THADA: variants seen among roughly 807,000 people sequenced by gnomAD.
The protein encoded by THADA is THADA armadillo repeat containing.
In THADA, 213 loss-of-function variants were observed where a neutral mutation model predicts 219.8. The observed-to-expected ratio is 0.97, with a 90% confidence interval of 0.87 to 1.09. The LOEUF is 1.09. THADA is among the 50% of genes least tolerant of loss of function. The pLI is 0.00. For missense variants in THADA, 2,956 were observed against 2,311.3 expected (o/e 1.28, Z -5.72); for synonymous variants, 1,018 against 828.9 (o/e 1.23, Z -3.92).
chr2:43,364,540 C>T (rs1046203140), intron 29 of THADA, among the ~76,000 whole-genome samples: 4 of 152,174 alleles, frequency 2.6e-5, no homozygotes, highest in Non-Finnish European at 5.9e-5. Flanking sequence ...CCAATGCCCC[C>T]GTGGAGAAAA....
At chr2:43,280,003 G>A in intron 35 of THADA, 107 bp from the exon 36 acceptor site, 1 of 1,117,220 alleles carries the variant, frequency 9.0e-7, no homozygotes, top group African/African-American at 1.6e-5. Flanking sequence ...ATGAGTTACA[G>A]CTATCTCTTT....
chr2:43,308,219 A>G (rs1677081465), intron 31 of THADA, among the ~76,000 whole-genome samples: 1 of 152,194 alleles, frequency 6.6e-6, no homozygotes. Flanking sequence ...GTAGTACGTT[A>G]TACGCTGCAA....
At chr2:43,407,767 T>C (rs1675751072) in intron 28 of THADA, among the ~76,000 whole-genome samples, 1 of 152,148 alleles carries the variant, frequency 6.6e-6, no homozygotes, top group African/African-American at 2.4e-5. Context: ...AAATATTTTC[T>C]CTCATTTTTA....
At chr2:43,426,067 T>C (rs953708214) in intron 28 of THADA, among the ~76,000 whole-genome samples, 2 of 152,206 alleles carry the variant, frequency 1.3e-5, no homozygotes, top group East Asian at 3.8e-4. Context: ...GATTGCAAAC[T>C]TCTTACTTTG....
intron 28 of THADA, among the ~76,000 whole-genome samples, chr2:43,403,238 A>T (rs567454444): frequency 2.6e-4 from 40 of 152,332 alleles, no homozygotes; most frequent in South Asian, 8.3e-4. Flanking sequence ...AGCCTTGGAA[A>T]AGCCGAATGT....
chr2:43,366,790 A>G (rs1053799579), intron 29 of THADA, among the ~76,000 whole-genome samples: 27 of 152,224 alleles, frequency 1.8e-4, no homozygotes, highest in African/African-American at 6.5e-4. Flanking sequence ...GATATATCCC[A>G]AAGAATTGAA....
At chr2:43,375,934 T>G (rs1671324553) in intron 29 of THADA, among the ~76,000 whole-genome samples, 1 of 152,196 alleles carries the variant, frequency 6.6e-6, no homozygotes, top group Admixed American at 6.5e-5. Flanking sequence ...GTGAAATCAG[T>G]GTCAGTGTTC....
chr2:43,283,100 C>T (rs1351750630), intron 35 of THADA, among the ~76,000 whole-genome samples: 2 of 152,180 alleles, frequency 1.3e-5, no homozygotes, highest in African/African-American at 4.8e-5. Flanking sequence ...GTGTGTGGCA[C>T]TTCTCCCTGC....
chr2:43,304,292 C>T (rs1233616151), intron 31 of THADA, among the ~76,000 whole-genome samples: 4 of 152,056 alleles, frequency 2.6e-5, no homozygotes, highest in South Asian at 2.1e-4. Flanking sequence ...GGCAAAGCCC[C>T]GGTAATCACA....
At chr2:43,245,323 C>T (rs570176292) in intron 36 of THADA, among the ~76,000 whole-genome samples, 1 of 151,962 alleles carries the variant, frequency 6.6e-6, no homozygotes, top group South Asian at 2.1e-4. Context: ...CAGGCACATA[C>T]CACCACGCCT....
intron 20 of THADA, among the ~76,000 whole-genome samples, chr2:43,541,701 G>A (rs1263438739): frequency 6.6e-6 from 1 of 151,828 alleles, no homozygotes; most frequent in Non-Finnish European, 1.5e-5. Context: ...GTAAAGACAG[G>A]GTTTCACCAC....
intron 26 of THADA, among the ~76,000 whole-genome samples, chr2:43,457,133 T>TACACACACAC (rs35803641): frequency 6.3e-5 from 8 of 126,152 alleles, no homozygotes; most frequent in Non-Finnish European, 8.4e-5. Context: ...TTAGGATATC[T>TACACACACAC]ACACACACAC....
At chr2:43,322,601 C>T (rs918969675) in intron 30 of THADA, among the ~76,000 whole-genome samples, 11 of 151,870 alleles carry the variant, frequency 7.2e-5, no homozygotes, top group Non-Finnish European at 1.3e-4. Context: ...CAACCCTACC[C>T]CCTGCCCATA....
chr2:43,234,430 T>C (rs1313204978), intron 36 of THADA, among the ~76,000 whole-genome samples: 15 of 152,138 alleles, frequency 9.9e-5, no homozygotes, highest in Non-Finnish European at 1.6e-4. Context: ...CCGTTCCCCA[T>C]GCTGCTTGCT....
intron 29 of THADA, among the ~76,000 whole-genome samples, chr2:43,368,931 T>C (rs1197676854): frequency 6.6e-6 from 1 of 152,138 alleles, no homozygotes; most frequent in Non-Finnish European, 1.5e-5. Context: ...CTCCTAACAC[T>C]AGCTTTCAAG....
At chr2:43,377,175 C>G (rs747946845) in intron 29 of THADA, among the ~76,000 whole-genome samples, 1 of 152,100 alleles carries the variant, frequency 6.6e-6, no homozygotes, top group African/African-American at 2.4e-5. Flanking sequence ...TCTGCAAATG[C>G]CTTTGGCAAA....
chr2:43,275,857 G>A lies in THADA; in HGVS notation c.5296+3908C>T, dbSNP rs548598265. Among the ~76,000 whole-genome samples the A allele has an allele frequency of 9.2e-5, 14 of 152,320 alleles. No individual in the cohort carries two copies. In the East Asian group the frequency reaches 2.5e-3, roughly 27 times the overall value. On this transcript the variant is annotated intron_variant, in intron 36 of 37. Transcript: ENST00000405975. Reference sequence around the variant, plus strand: ...TGCCTAACTTAAGAATCATGCAAATGCCAGGATTTAAAGTTAAGTATTGTC... The same window carrying A: ...TGCCTAACTTAAGAATCATGCAAATACCAGGATTTAAAGTTAAGTATTGTC...
chr2:43,259,973 C>G (rs1670753799), intron 36 of THADA, among the ~76,000 whole-genome samples: 1 of 152,202 alleles, frequency 6.6e-6, no homozygotes, highest in African/African-American at 2.4e-5. Flanking sequence ...AGCTCTCACC[C>G]CAGGTGACAG....
chr2:43,237,071 CAAAAA>C (rs35242458), intron 36 of THADA, among the ~76,000 whole-genome samples: 1 of 78,182 alleles, frequency 1.3e-5, no homozygotes, highest in Non-Finnish European at 2.7e-5. Flanking sequence ...GACTCTGTCT[CAAAAA>C]AAAAAAAAAA....
Sources: gnomAD v4.1 joint callset for allele counts (sites outside exome capture counted in the v4.1 genomes callset) on GRCh38, gnomAD v4.1.1 for gene constraint, MANE v1.5 for transcripts, NCBI Gene and HGNC (gene_info 2026-07-23, HGNC 2026-07-21) for gene names.